ABLIM2: variants seen among roughly 807,000 people sequenced by gnomAD.
ABLIM2 encodes actin-binding LIM protein 2.
In ABLIM2, 53 loss-of-function variants were observed where a neutral mutation model predicts 97.7. That is an observed-to-expected ratio of 0.54 (90% CI 0.44 to 0.68). The LOEUF (loss-of-function observed/expected upper bound fraction) is 0.68, where lower values mean the gene tolerates loss of function less well. Among genes scored for constraint, ABLIM2 ranks in the 30% least tolerant of loss-of-function variants. ABLIM2 has a pLI of 0.00. For synonymous variants in ABLIM2, 361 were observed against 345.8 expected, an observed-to-expected ratio of 1.04 and a Z score of -0.49; for missense variants, 835 against 867.2, an observed-to-expected ratio of 0.96 and a Z score of 0.47.
intron 16 of ABLIM2, chr4:7,993,813 C>A (rs1306686754): frequency 2.9e-5 from 13 of 441,224 alleles, no homozygotes; most frequent in African/African-American, 2.4e-4. Context: ...TGGGGCAAGG[C>A]TCGCTGGGGC....
intron 3 of ABLIM2, among the ~76,000 whole-genome samples, chr4:8,089,572 T>C (rs1448942619): frequency 6.6e-6 from 1 of 151,892 alleles, no homozygotes; most frequent in Non-Finnish European, 1.5e-5. Context: ...TGGTCTCTAC[T>C]AAAAACACAA....
intron 20 of ABLIM2, among the ~76,000 whole-genome samples, chr4:7,968,479 G>A (rs1724833088): frequency 6.6e-6 from 1 of 152,238 alleles, no homozygotes; most frequent in Non-Finnish European, 1.5e-5. Context: ...ATGTCCATGT[G>A]ACGGAATAGC....
In ABLIM2 at chr4:8,002,158, C is replaced by G. The variant is rs144032094; in HGVS notation, c.1618+5901G>C. ...CCAGTCCCATCTGGGAGCCGGGGAC[C>G]CTCAGTCTCTGCCTCCAGCCTGGAC... On this transcript the variant is annotated intron_variant, in intron 16 of 20. Coordinates refer to ENST00000447017, the MANE Select transcript of ABLIM2 (RefSeq NM_001130083.2). The surrounding 1 kb of genome is among the most constrained non-coding windows in gnomAD (Gnocchi z 6.1). 1.2e-4 allele frequency among the ~76,000 whole-genome samples: 18 copies of G among 152,280 alleles called. No homozygotes were observed. Among genetic ancestry groups the G allele is most frequent in the Admixed American group, 2.0e-4 (3 of 15,308 alleles).
At chr4:7,972,171 C>T (rs1027345632) in intron 20 of ABLIM2, among the ~76,000 whole-genome samples, 1 of 152,198 alleles carries the variant, frequency 6.6e-6, no homozygotes, top group Non-Finnish European at 1.5e-5. Flanking sequence ...ACCTCTTCCA[C>T]AGCCTATGGG....
At position 7,986,033 on chromosome 4, in the gene ABLIM2, G is replaced by A. The variant is rs1293628400; in HGVS notation, c.1681-1140C>T. Among the ~76,000 whole-genome samples the A allele has an allele frequency of 2.0e-5, 3 of 152,328 alleles. No homozygotes were observed. The highest frequency in any genetic ancestry group is 1.3e-4 in the Admixed American group (2 of 15,308). On this transcript the variant is annotated intron_variant, in intron 17 of 20. Transcript: ENST00000447017. The surrounding 1 kb of genome is among the most constrained non-coding windows in gnomAD (Gnocchi z 4.3). ...TGTTGCGGTTGTGCCTTGGCTGCCC[G>A]CGGTGGACGGAGCCTGTTGAAGAAA...
At position 8,027,746 on chromosome 4, in the gene ABLIM2, C is replaced by A; in HGVS notation, c.1267+13G>T. ...CCATGAGCACCCACAGCCCACATCACTGCGTGCCTTACCTCGGAAGTAGGG... is the reference window on the plus strand; with the variant it reads ...CCATGAGCACCCACAGCCCACATCAATGCGTGCCTTACCTCGGAAGTAGGG... On this transcript the variant is annotated intron_variant, in intron 12 of 20. Coordinates refer to ENST00000447017, the MANE Select transcript of ABLIM2 (RefSeq NM_001130083.2). The A allele has an allele frequency of 6.4e-7, 1 of 1,565,542 alleles. No individual in the cohort carries two copies.
At chr4:8,116,225 T>G (rs934897977) in intron 1 of ABLIM2, among the ~76,000 whole-genome samples, 4 of 152,214 alleles carry the variant, frequency 2.6e-5, no homozygotes, top group Non-Finnish European at 2.9e-5. Context: ...AGGCAGCCAT[T>G]GAAAACCAGA....
At chr4:8,017,924 C>T (rs572328903) in intron 14 of ABLIM2, among the ~76,000 whole-genome samples, 42 of 150,680 alleles carry the variant, frequency 2.8e-4, no homozygotes, top group African/African-American at 9.5e-4. Context: ...AGCCAAGAGG[C>T]GGAGGTTGCA....
chr4:8,090,124 C>G (rs529710545), intron 3 of ABLIM2, among the ~76,000 whole-genome samples: 81 of 152,262 alleles, frequency 5.3e-4, no homozygotes, highest in African/African-American at 1.7e-3. Flanking sequence ...GCCCTCCCCT[C>G]CCATCCACTG....
intron 2 of ABLIM2, among the ~76,000 whole-genome samples, chr4:8,101,348 C>T (rs369351612): frequency 1.3e-5 from 2 of 152,222 alleles, no homozygotes; most frequent in East Asian, 1.9e-4. Context: ...GTGCCCTGTG[C>T]GGCTTAGGCT....
intron 20 of ABLIM2, among the ~76,000 whole-genome samples, chr4:7,979,244 G>A (rs538705964): frequency 4.8e-4 from 73 of 152,362 alleles, no homozygotes; most frequent in African/African-American, 1.7e-3. Context: ...TGGCTCTGCG[G>A]TTCCTTTGCT....
chr4:8,013,443 T>A (rs1423692728), intron 14 of ABLIM2, among the ~76,000 whole-genome samples: 1 of 152,158 alleles, frequency 6.6e-6, no homozygotes, highest in Non-Finnish European at 1.5e-5. Flanking sequence ...AGGCTGGTCT[T>A]GAACTCCTGA....
At chr4:7,976,680 C>T (rs773183264) in intron 20 of ABLIM2, among the ~76,000 whole-genome samples, 6 of 150,578 alleles carry the variant, frequency 4.0e-5, no homozygotes, top group Non-Finnish European at 7.4e-5. Flanking sequence ...CACACACACA[C>T]ATGTGCATGC....
rs375119926 is a variant in ABLIM2, at chr4:7,984,886, T to A, written c.1688A>T (p.Asn563Ile). ...CGGGTCTGCTCCACAGGGGGCCAGA[T>A]TGGCATTCTGGAAGAGAAAGAGAGG... ...GKNGLDQRNANLAPCGADPDA... is the reference protein window; with the variant it reads ...GKNGLDQRNAILAPCGADPDA... Residue 563 changes from asparagine to isoleucine, a missense_variant, in exon 18 of 21, where the codon AAT (asparagine) becomes ATT (isoleucine). Transcript: ENST00000447017. The A allele has an allele frequency of 1.1e-5, 18 of 1,608,958 alleles. No homozygotes were observed. In the African/African-American group the frequency reaches 1.9e-4, roughly 17 times the overall value.
At chr4:8,064,734 C>G (rs185445752) in intron 6 of ABLIM2, among the ~76,000 whole-genome samples, 1 of 152,202 alleles carries the variant, frequency 6.6e-6, no homozygotes, top group South Asian at 2.1e-4. Flanking sequence ...CCAGGCAAAG[C>G]GATCTACCTG....
At chr4:7,981,216 T>C (rs1307147475) in intron 20 of ABLIM2, among the ~76,000 whole-genome samples, 1 of 152,092 alleles carries the variant, frequency 6.6e-6, no homozygotes, top group East Asian at 1.9e-4. Context: ...GTGCTGGGAT[T>C]ACAGGCATGA....
chr4:7,974,054 C>G (rs911727630), intron 20 of ABLIM2, among the ~76,000 whole-genome samples: 1 of 152,198 alleles, frequency 6.6e-6, no homozygotes, highest in Non-Finnish European at 1.5e-5. Context: ...CAACTCCTGC[C>G]TGAGTCCCCG....
Position 8,061,109 on chromosome 4 carries a change from G to A in ABLIM2, c.676-55C>T, listed in dbSNP as rs1802720172. On this transcript the variant is annotated intron_variant, in intron 6 of 20. Transcript: ENST00000447017. The surrounding 1 kb of genome is among the most constrained non-coding windows in gnomAD (Gnocchi z 4.5). ...CTACTAAAGCCAGAAAGGTCGGCTG[G>A]GTCCCAGCGCCCGGCATGGATACAG... 1.3e-6 allele frequency: 2 copies of A among 1,482,442 alleles called. No homozygotes were observed. The highest frequency in any genetic ancestry group is 2.4e-5 in the South Asian group (2 of 82,562). The allele number at this position is 1,482,442 out of a possible 1,614,324, so 91.8% of individuals were successfully genotyped here. A position where few individuals can be genotyped will look rare whatever the true frequency, so the allele number is the denominator to read the frequency against.
chr4:8,033,079 C>T lies in ABLIM2; in HGVS notation c.1047+3070G>A, dbSNP rs1036742144. 1.3e-5 allele frequency among the ~76,000 whole-genome samples: 2 copies of T among 152,216 alleles called. No homozygotes were observed. The highest frequency in any genetic ancestry group is 2.9e-5 in the Non-Finnish European group (2 of 68,044). ...CTCTGGACAAGAGAGAAAAGGTGCT[C>T]AGCAGAGACAGAGGGTGACCAGAAG... On this transcript the variant is annotated intron_variant, in intron 10 of 20. Coordinates refer to ENST00000447017, the MANE Select transcript of ABLIM2 (RefSeq NM_001130083.2). The surrounding 1 kb of genome is among the most constrained non-coding windows in gnomAD (Gnocchi z 4.5).
Sources: allele counts gnomAD v4.1 joint callset (sites outside exome capture counted in the v4.1 genomes callset), GRCh38; gene constraint gnomAD v4.1.1; non-coding constraint Gnocchi (gnomAD v3.1); transcripts MANE v1.5; gene names NCBI Gene and HGNC (gene_info 2026-07-23, HGNC 2026-07-21).